TENM3: variants seen among roughly 807,000 people sequenced by gnomAD.
The protein encoded by TENM3 is teneurin-3.
TENM3 carries 63 observed loss-of-function variants against 255.1 expected under a neutral mutation model. The ratio of observed to expected loss-of-function variants is 0.25; its 90% confidence interval spans 0.20 to 0.30. The LOEUF (loss-of-function observed/expected upper bound fraction) is 0.30, where lower values mean the gene tolerates loss of function less well. Among genes scored for constraint, TENM3 ranks in the 10% least tolerant of loss-of-function variants. TENM3 has a pLI of 1.00. For missense variants in TENM3, 2,929 were observed against 3,461.1 expected (o/e 0.85, Z 3.86); for synonymous variants, 1,306 against 1,322.3 (o/e 0.99, Z 0.27).
intron 3 of TENM3, among the ~76,000 whole-genome samples, chr4:182,402,775 T>C (rs1037662385): frequency 3.9e-5 from 6 of 152,180 alleles, no homozygotes; most frequent in African/African-American, 1.2e-4. Flanking sequence ...CAAATGAGTG[T>C]TTCATGAGAC....
chr4:182,498,723 C>T (rs374391434), intron 3 of TENM3, among the ~76,000 whole-genome samples: 5 of 152,200 alleles, frequency 3.3e-5, no homozygotes, highest in South Asian at 2.1e-4. Flanking sequence ...GGCGTGGTGG[C>T]GTGTGCCTGT....
At chr4:182,697,258 A>G (rs959837782) in intron 12 of TENM3, among the ~76,000 whole-genome samples, 1 of 152,192 alleles carries the variant, frequency 6.6e-6, no homozygotes, top group Non-Finnish European at 1.5e-5. Context: ...TGCATGCTGG[A>G]TACAAGGAGA....
intron 3 of TENM3, among the ~76,000 whole-genome samples, chr4:182,492,216 C>T (rs780717072): frequency 4.6e-5 from 7 of 152,134 alleles, no homozygotes; most frequent in Non-Finnish European, 1.0e-4. Flanking sequence ...AGAATTATGA[C>T]AGCATATGTT....
intron 4 of TENM3, among the ~76,000 whole-genome samples, chr4:182,620,790 G>A (rs1398322563): frequency 6.6e-6 from 1 of 152,082 alleles, no homozygotes; most frequent in Non-Finnish European, 1.5e-5. Flanking sequence ...GTACAGTGGT[G>A]CAATCACAGC....
chr4:182,231,957 A>AT (rs953559499), intron 1 of TENM3, among the ~76,000 whole-genome samples: 1 of 152,154 alleles, frequency 6.6e-6, no homozygotes, highest in Non-Finnish European at 1.5e-5. Context: ...TGGTTTGCAT[A>AT]TTTTTTGTAT....
rs1751336569 is a variant in TENM3, at chr4:182,161,875, A to ATATG, written c.-76+17124_-76+17125insGTAT. The stretch of plus-strand genomic sequence containing the variant: ...CAAATATATATGTGTATATATGTGT[A>ATATG]TATATATACACACATATATGTGTAT... On this transcript the variant is annotated intron_variant, in intron 1 of 2. Transcript: ENST00000512480. Among the ~76,000 whole-genome samples, 2 of 8,346 alleles carry ATATG rather than the reference A, an allele frequency of 2.4e-4. 1 individual carries two copies. Among genetic ancestry groups the ATATG allele is most frequent in the Non-Finnish European group, 1.5e-3 (2 of 1,342 alleles). The allele number at this position is 8,346 out of a possible 152,430, so 5.5% of individuals were successfully genotyped here. A position where few individuals can be genotyped will look rare whatever the true frequency, so the allele number is the denominator to read the frequency against.
At chr4:181,964,724 G>T in the TENM3 span, among the ~76,000 whole-genome samples, 15 of 152,126 alleles carry the variant, frequency 9.9e-5, no homozygotes, top group Non-Finnish European at 1.8e-4. Context: ...ACAAGTACCA[G>T]CAGGGATTCG....
chr4:181,467,223 A>G, the TENM3 span, among the ~76,000 whole-genome samples: 2 of 143,502 alleles, frequency 1.4e-5, no homozygotes, highest in South Asian at 2.2e-4. Context: ...TCCGCCTCCC[A>G]TGTTTAAGCA....
the TENM3 span, among the ~76,000 whole-genome samples, chr4:182,049,964 C>T: frequency 0.021 from 3,168 of 150,600 alleles, 123 homozygotes; most frequent in African/African-American, 0.073. Context: ...GGCAAGGGCA[C>T]GTTTAAAAAA....
At chr4:181,695,784 C>T in the TENM3 span, among the ~76,000 whole-genome samples, 1 of 152,182 alleles carries the variant, frequency 6.6e-6, no homozygotes, top group Non-Finnish European at 1.5e-5. Flanking sequence ...GATTAAAAAA[C>T]AGGTTTTTTT....
chr4:182,422,875 C>T (rs1299352112), intron 3 of TENM3, among the ~76,000 whole-genome samples: 1 of 152,174 alleles, frequency 6.6e-6, no homozygotes, highest in Non-Finnish European at 1.5e-5. Context: ...TTGTTGCCCC[C>T]TTCTTCCAGA....
chr4:181,511,763 G>T, the TENM3 span, among the ~76,000 whole-genome samples: 3 of 152,186 alleles, frequency 2.0e-5, no homozygotes, highest in Non-Finnish European at 4.4e-5. Context: ...GAAGAGGGTA[G>T]TCGGGAGCTC....
chr4:181,635,672 C>G, the TENM3 span, among the ~76,000 whole-genome samples: 1 of 152,200 alleles, frequency 6.6e-6, no homozygotes, highest in Non-Finnish European at 1.5e-5. Context: ...ACAGATAGGA[C>G]AGAGGCCTAC....
intron 3 of TENM3, among the ~76,000 whole-genome samples, chr4:182,365,264 T>C (rs1766349650): frequency 6.6e-6 from 1 of 152,202 alleles, no homozygotes; most frequent in Non-Finnish European, 1.5e-5. Context: ...AATGGGTCAC[T>C]CAGGGTATAA....
At chr4:181,680,309 A>G in the TENM3 span, among the ~76,000 whole-genome samples, 1 of 152,082 alleles carries the variant, frequency 6.6e-6, no homozygotes, top group African/African-American at 2.4e-5. Flanking sequence ...TTTTTGTTAC[A>G]GTTTTATAAA....
At chr4:182,353,392 G>A (rs1765308864) in intron 3 of TENM3, among the ~76,000 whole-genome samples, 1 of 152,080 alleles carries the variant, frequency 6.6e-6, no homozygotes, top group African/African-American at 2.4e-5. Flanking sequence ...GGTCTCCTGT[G>A]ATAAATTATA....
chr4:182,484,329 G>A (rs1368851141), intron 3 of TENM3, among the ~76,000 whole-genome samples: 1 of 152,148 alleles, frequency 6.6e-6, no homozygotes, highest in African/African-American at 2.4e-5. Flanking sequence ...AACCCAGGCA[G>A]TGTGGCTTAA....
intron 7 of TENM3, 80 bp from the exon 8 acceptor site, chr4:182,679,586 G>T: frequency 8.9e-7 from 1 of 1,117,524 alleles, no homozygotes. Flanking sequence ...AGCAAAGGAA[G>T]ACAGATTGAA....
intron 1 of TENM3, among the ~76,000 whole-genome samples, chr4:182,234,729 T>C (rs1201353555): frequency 6.6e-6 from 1 of 151,916 alleles, no homozygotes; most frequent in African/African-American, 2.4e-5. Context: ...AAGATTCCCT[T>C]TCAAAAGAAA....
Sources: gnomAD v4.1 joint callset for allele counts (sites outside exome capture counted in the v4.1 genomes callset) on GRCh38, gnomAD v4.1.1 for gene constraint, MANE v1.5 for transcripts, NCBI Gene and HGNC (gene_info 2026-07-23, HGNC 2026-07-21) for gene names.